Variants in RBFOX1 observed in about 807,000 individuals in gnomAD.
RBFOX1 encodes RNA binding fox-1 homolog 1.
A neutral mutation model predicts 57.7 loss-of-function variants in RBFOX1; 8 were observed. The observed-to-expected ratio is 0.14, with a 90% CI of 0.08 to 0.25. The LOEUF is 0.25. Ranked by LOEUF, RBFOX1 falls within the 10% of genes least tolerant of loss-of-function variation. The pLI, the probability that RBFOX1 is intolerant of heterozygous loss-of-function variation, is 1.00. For missense variants in RBFOX1, 611 were observed against 548.5 expected (o/e 1.11, Z -1.14); for synonymous variants, 326 against 222.4 (o/e 1.47, Z -4.15).
At chr16:7,420,681 A>C (rs2098532231) in intron 4 of RBFOX1, among the ~76,000 whole-genome samples, 1 of 151,796 alleles carries the variant, frequency 6.6e-6, no homozygotes, top group Admixed American at 6.6e-5. Context: ...ACTCTTTGAT[A>C]AATAGCAGTA....
chr16:6,953,581 T>A (rs2081199429), intron 3 of RBFOX1, among the ~76,000 whole-genome samples: 1 of 152,122 alleles, frequency 6.6e-6, no homozygotes, highest in South Asian at 2.1e-4. Flanking sequence ...GAGATGGGGT[T>A]TTGCCATGTT....
At chr16:7,706,660 A>G (rs1200802695) in intron 14 of RBFOX1, among the ~76,000 whole-genome samples, 1 of 152,182 alleles carries the variant, frequency 6.6e-6, no homozygotes, top group Non-Finnish European at 1.5e-5. Context: ...ACAAACTCTC[A>G]AGGATTTCAG....
chr16:7,618,288 A>G (rs971199260), intron 10 of RBFOX1, among the ~76,000 whole-genome samples: 8 of 152,208 alleles, frequency 5.3e-5, no homozygotes, highest in African/African-American at 1.9e-4. Context: ...TAGTACTTGT[A>G]TCTATATTCA....
intron 3 of RBFOX1, among the ~76,000 whole-genome samples, chr16:6,766,065 G>C (rs1033917435): frequency 6.6e-6 from 1 of 151,796 alleles, no homozygotes; most frequent in Admixed American, 6.6e-5. Flanking sequence ...TAAAATCCTA[G>C]ATTTCAACAC....
At chr16:6,773,527 A>G (rs894256449) in intron 3 of RBFOX1, among the ~76,000 whole-genome samples, 1 of 108,486 alleles carries the variant, frequency 9.2e-6, no homozygotes, top group African/African-American at 3.7e-5. Context: ...AGTTGGTTGC[A>G]TTTGTGTTGG....
chr16:6,437,069 G>T (rs779081693), intron 2 of RBFOX1, among the ~76,000 whole-genome samples: 2 of 152,140 alleles, frequency 1.3e-5, no homozygotes, highest in Non-Finnish European at 2.9e-5. Flanking sequence ...TATTTTCAAG[G>T]TTCTTCATCT....
intron 4 of RBFOX1, among the ~76,000 whole-genome samples, chr16:7,251,362 G>T (rs569373700): frequency 4.7e-5 from 7 of 150,394 alleles, no homozygotes; most frequent in Non-Finnish European, 7.4e-5. Flanking sequence ...TCTTTTTAGG[G>T]CTGAATGACA....
chr16:7,479,339 C>T (rs909035623), intron 4 of RBFOX1, among the ~76,000 whole-genome samples: 12 of 151,974 alleles, frequency 7.9e-5, no homozygotes, highest in African/African-American at 2.2e-4. Flanking sequence ...CTTTGTTGCC[C>T]AGGCTAGTCT....
chr16:6,982,910 C>G (rs1037583163), intron 3 of RBFOX1, among the ~76,000 whole-genome samples: 1 of 139,238 alleles, frequency 7.2e-6, no homozygotes, highest in Non-Finnish European at 1.5e-5. Context: ...GGGAGAACAA[C>G]TTGAACCCAG....
At chr16:5,768,695 T>C (rs1355696550) in intron 3 of RBFOX1, among the ~76,000 whole-genome samples, 1 of 152,104 alleles carries the variant, frequency 6.6e-6, no homozygotes, top group Non-Finnish European at 1.5e-5. Flanking sequence ...AGCGGATGAT[T>C]CTGAGCCCAG....
chr16:6,952,925 A>G (rs1033857494), intron 3 of RBFOX1, among the ~76,000 whole-genome samples: 57 of 152,160 alleles, frequency 3.7e-4, no homozygotes, highest in African/African-American at 1.2e-3. Context: ...CAGTGAGCCT[A>G]TTGCCCCATT....
intron 1 of RBFOX1, among the ~76,000 whole-genome samples, chr16:6,091,554 G>A (rs2096174341): frequency 6.6e-6 from 1 of 152,152 alleles, no homozygotes; most frequent in African/African-American, 2.4e-5. Context: ...TTGAGGCCGA[G>A]TGTCATGGCT....
At chr16:7,644,201 G>T (rs1032741212) in intron 11 of RBFOX1, among the ~76,000 whole-genome samples, 1 of 152,154 alleles carries the variant, frequency 6.6e-6, no homozygotes, top group Non-Finnish European at 1.5e-5. Flanking sequence ...GTGAGTATCT[G>T]AGCCACTCTA....
At chr16:7,569,052 C>A (rs1363317534) in intron 5 of RBFOX1, among the ~76,000 whole-genome samples, 11 of 152,080 alleles carry the variant, frequency 7.2e-5, no homozygotes, top group Non-Finnish European at 5.9e-5. Flanking sequence ...TCTCTACTTT[C>A]CTCCCTTTTA....
In RBFOX1 at chr16:7,249,158, TTAGGTGGTATCACCACCAA is replaced by T. The variant is rs1221772097; in HGVS notation, c.27+197061_27+197079del. Among the ~76,000 whole-genome samples, 3 of 152,104 alleles carry T rather than the reference TTAGGTGGTATCACCACCAA, an allele frequency of 2.0e-5. No individual in the cohort carries two copies. The East Asian group carries it at 5.8e-4, about 29-fold the overall frequency. On this transcript the variant is annotated intron_variant, in intron 4 of 15. Coordinates refer to ENST00000550418, the MANE Select transcript of RBFOX1 (RefSeq NM_018723.4). ...GCTGAAAGGAACAGAAAGCTGGGGGTTAGGTGGTATCACCACCAACCTTCAGCTAAGTTGACTACATTTT... is the reference window on the plus strand; with the variant it reads ...GCTGAAAGGAACAGAAAGCTGGGGGTCCTTCAGCTAAGTTGACTACATTTT...
chr16:5,671,469 T>A (rs2050010238), intron 3 of RBFOX1, among the ~76,000 whole-genome samples: 1 of 152,220 alleles, frequency 6.6e-6, no homozygotes, highest in Non-Finnish European at 1.5e-5. Flanking sequence ...CTGTTTTTAG[T>A]GTATGCGGTG....
At chr16:5,768,721 T>C (rs1216475349) in intron 3 of RBFOX1, among the ~76,000 whole-genome samples, 3 of 152,166 alleles carry the variant, frequency 2.0e-5, no homozygotes, top group Non-Finnish European at 2.9e-5. Context: ...GTAGGTGCTG[T>C]TGAAACAGGA....
intron 3 of RBFOX1, among the ~76,000 whole-genome samples, chr16:7,011,516 G>A (rs746468640): frequency 1.3e-5 from 2 of 151,402 alleles, no homozygotes; most frequent in Admixed American, 6.6e-5. Flanking sequence ...GTTTTGTTTT[G>A]TTTTGTTTGT....
At chr16:7,330,978 T>C (rs577292768) in intron 4 of RBFOX1, among the ~76,000 whole-genome samples, 15 of 152,188 alleles carry the variant, frequency 9.9e-5, no homozygotes, top group African/African-American at 3.4e-4. Flanking sequence ...GTAAGAGGGG[T>C]CAGTGCGCAG....
Sources: allele counts gnomAD v4.1 joint callset (sites outside exome capture counted in the v4.1 genomes callset), GRCh38; gene constraint gnomAD v4.1.1; transcripts MANE v1.5; gene names NCBI Gene and HGNC (gene_info 2026-07-23, HGNC 2026-07-21).